Variants in RBFOX1 observed in about 807,000 individuals in gnomAD.
RBFOX1 encodes the protein RNA binding fox-1 homolog 1, also known as RNA binding protein fox-1 homolog 1.
Under a neutral mutation model 57.7 loss-of-function variants are expected in RBFOX1, and 8 were observed. That is an observed-to-expected ratio of 0.14 (90% CI 0.08 to 0.25). RBFOX1 has a LOEUF of 0.25. Among genes scored for constraint, RBFOX1 ranks in the 10% least tolerant of loss-of-function variants. The pLI, the probability that RBFOX1 is intolerant of heterozygous loss-of-function variation, is 1.00. For synonymous variants in RBFOX1, 326 were observed against 222.4 expected, an observed-to-expected ratio of 1.47 and a Z score of -4.15; for missense variants, 611 against 548.5, an observed-to-expected ratio of 1.11 and a Z score of -1.14.
chr16:6,004,544 G>A (rs1046556128), intron 4 of RBFOX1, among the ~76,000 whole-genome samples: 1 of 152,150 alleles, frequency 6.6e-6, no homozygotes, highest in East Asian at 1.9e-4. Flanking sequence ...ATGTCCAGAA[G>A]GTTTTAATGA....
chr16:7,350,289 G>C (rs1244023371), intron 4 of RBFOX1, among the ~76,000 whole-genome samples: 1 of 152,120 alleles, frequency 6.6e-6, no homozygotes, highest in East Asian at 1.9e-4. Context: ...AGGTCTAAGG[G>C]GAGGAAAAAA....
At chr16:5,818,379 G>C (rs1018778522) in intron 3 of RBFOX1, among the ~76,000 whole-genome samples, 1 of 152,166 alleles carries the variant, frequency 6.6e-6, no homozygotes, top group Non-Finnish European at 1.5e-5. Flanking sequence ...CCATATGAGG[G>C]GATACCATTG....
In RBFOX1 at chr16:7,109,783, C is replaced by A. The variant is rs1055163354; in HGVS notation, c.27+57685C>A. ...ACTCCTTTGAGCAATTTCATTCACT[C>A]GTTTGCTGAACAAACCTGAATTGAC... On this transcript the variant is annotated intron_variant, in intron 4 of 15. Transcript: ENST00000550418. Among the ~76,000 whole-genome samples, 3 of 152,218 alleles carry A rather than the reference C, an allele frequency of 2.0e-5. No individual in the cohort carries two copies. The East Asian group carries it at 5.8e-4, about 30-fold the overall frequency.
intron 1 of RBFOX1, among the ~76,000 whole-genome samples, chr16:6,173,951 T>C (rs11647450): frequency 0.44 from 66,207 of 151,842 alleles, 14,749 homozygotes; most frequent in Admixed American, 0.52. Flanking sequence ...TTTGAAGTCA[T>C]TAAAGTTACA....
intron 4 of RBFOX1, among the ~76,000 whole-genome samples, chr16:5,944,790 T>TCAAAAAAAAAAAAAAAA (rs2059360399): frequency 2.4e-5 from 1 of 41,258 alleles, no homozygotes; most frequent in Non-Finnish European, 4.8e-5. Context: ...CTGTCTCTGC[T>TCAAAAAAAAAAAAAAAA]AAAAAAAAAA....
At chr16:5,813,313 C>T (rs1314976936) in intron 3 of RBFOX1, among the ~76,000 whole-genome samples, 5 of 152,182 alleles carry the variant, frequency 3.3e-5, no homozygotes, top group Non-Finnish European at 7.3e-5. Context: ...GTTAAATGCA[C>T]CCACAACATT....
chr16:6,474,988 C>T (rs2095250529), intron 2 of RBFOX1, among the ~76,000 whole-genome samples: 1 of 152,122 alleles, frequency 6.6e-6, no homozygotes, highest in African/African-American at 2.4e-5. Flanking sequence ...CCTTACAGCA[C>T]AAAGTGTTCA....
chr16:5,750,842 G>C (rs1197508044), intron 3 of RBFOX1, among the ~76,000 whole-genome samples: 1 of 152,196 alleles, frequency 6.6e-6, no homozygotes, highest in Non-Finnish European at 1.5e-5. Flanking sequence ...CCCTGCTTCG[G>C]CTCACGCATG....
chr16:7,062,770 T>C (rs888438357), intron 4 of RBFOX1, among the ~76,000 whole-genome samples: 6 of 152,100 alleles, frequency 3.9e-5, no homozygotes, highest in Non-Finnish European at 8.8e-5. Context: ...TCTGGTGAAA[T>C]TGAGTGAAGA....
chr16:6,978,929 G>A, intron 3 of RBFOX1, among the ~76,000 whole-genome samples: 1 of 152,206 alleles, frequency 6.6e-6, no homozygotes, highest in East Asian at 1.9e-4. Flanking sequence ...GAGGCCTGGG[G>A]ACCACACCCA....
intron 4 of RBFOX1, among the ~76,000 whole-genome samples, chr16:7,275,056 A>G (rs541009894): frequency 6.6e-6 from 1 of 152,188 alleles, no homozygotes; most frequent in East Asian, 1.9e-4. Context: ...GGTGGAGAGG[A>G]TAGGAAGGCA....
At chr16:7,332,411 C>CAG (rs909935898) in intron 4 of RBFOX1, among the ~76,000 whole-genome samples, 2 of 152,172 alleles carry the variant, frequency 1.3e-5, no homozygotes, top group Non-Finnish European at 2.9e-5. Flanking sequence ...AATTTGAAAT[C>CAG]AGAGAGAGAG....
intron 3 of RBFOX1, among the ~76,000 whole-genome samples, chr16:6,961,240 G>C (rs1004476210): frequency 6.6e-6 from 1 of 152,110 alleles, no homozygotes; most frequent in African/African-American, 2.4e-5. Flanking sequence ...CTGAGCTGCT[G>C]ATGGCCATTT....
intron 3 of RBFOX1, among the ~76,000 whole-genome samples, chr16:5,616,382 C>T (rs1170883089): frequency 6.6e-6 from 1 of 152,202 alleles, no homozygotes; most frequent in African/African-American, 2.4e-5. Context: ...GCGGTGCTGG[C>T]CAGCGAGGTC....
chr16:6,370,001 G>A (rs1481043708), intron 2 of RBFOX1, among the ~76,000 whole-genome samples: 4 of 152,090 alleles, frequency 2.6e-5, no homozygotes, highest in Non-Finnish European at 5.9e-5. Flanking sequence ...TCTCTTTAGT[G>A]TCTTTTAATC....
At chr16:6,714,539 A>G (rs886945999) in intron 3 of RBFOX1, among the ~76,000 whole-genome samples, 1 of 152,156 alleles carries the variant, frequency 6.6e-6, no homozygotes. Flanking sequence ...TTATACTGCA[A>G]GTCTCATTAG....
rs76622245 is a variant in RBFOX1, at chr16:7,442,152, G to A, written c.28-75995G>A. ...GCTGGGCTGAACATGATGCATGAAC[G>A]GGACCCCAGAGATTTTACCTTTTGG... On this transcript the variant is annotated intron_variant, in intron 4 of 15. Coordinates refer to ENST00000550418, the MANE Select transcript of RBFOX1 (RefSeq NM_018723.4). 6.6e-4 allele frequency among the ~76,000 whole-genome samples: 100 copies of A among 152,194 alleles called. 1 individual carries two copies. The highest frequency in any genetic ancestry group is 2.4e-3 in the African/African-American group (99 of 41,530).
chr16:5,472,564 G>GA (rs1161262613), intron 2 of RBFOX1, among the ~76,000 whole-genome samples: 4 of 152,072 alleles, frequency 2.6e-5, no homozygotes, highest in African/African-American at 9.7e-5. Context: ...GTGCATGCTG[G>GA]AATGAAATCT....
chr16:5,381,672 C>G (rs1034649131), intron 1 of RBFOX1, among the ~76,000 whole-genome samples: 13 of 152,192 alleles, frequency 8.5e-5, no homozygotes, highest in African/African-American at 2.9e-4. Context: ...CAGGCAGACT[C>G]TTGGCATGGT....
Sources: gnomAD v4.1 joint callset for allele counts (sites outside exome capture counted in the v4.1 genomes callset) on GRCh38, gnomAD v4.1.1 for gene constraint, MANE v1.5 for transcripts, NCBI Gene and HGNC (gene_info 2026-07-23, HGNC 2026-07-21) for gene names.